GXYLT2: variants seen among roughly 807,000 people sequenced by gnomAD.
GXYLT2 encodes the protein glucoside xylosyltransferase 2.
A neutral mutation model predicts 45.8 loss-of-function variants in GXYLT2; 53 were observed. That is an observed-to-expected ratio of 1.16 (90% CI 0.93 to 1.46). The LOEUF is 1.46. Among genes scored for constraint, GXYLT2 ranks in the 40% most tolerant of loss-of-function variants. The probability of loss-of-function intolerance (pLI) is 0.00; values close to 1 mark genes in which losing one functional copy is unlikely to be tolerated. For synonymous variants in GXYLT2, 219 were observed against 214.2 expected, an observed-to-expected ratio of 1.02 and a Z score of -0.19; for missense variants, 551 against 544.4, an observed-to-expected ratio of 1.01 and a Z score of -0.12.
chr3:72,952,490 G>A (rs1048752876), intron 3 of GXYLT2, among the ~76,000 whole-genome samples: 1 of 152,090 alleles, frequency 6.6e-6, no homozygotes, highest in Non-Finnish European at 1.5e-5. Context: ...TAGCACCCAT[G>A]TTCATCAGTT....
In GXYLT2 at chr3:72,888,143, C is replaced by A; in HGVS notation, c.-91C>A. The A allele has an allele frequency of 1.1e-6, 1 of 910,512 alleles. No homozygotes were observed. The highest frequency in any genetic ancestry group is 1.3e-6 in the Non-Finnish European group (1 of 763,252). 56.4% of individuals were successfully genotyped at this position (910,512 alleles called of 1,614,324 possible). A position where few individuals can be genotyped will look rare whatever the true frequency, so the allele number is the denominator to read the frequency against. ...CCCGGCGGGCGGGCGGAGGAGGCGACCGCCGCGCGCTGCTGCACTCATCCT... is the reference window on the plus strand; with the variant it reads ...CCCGGCGGGCGGGCGGAGGAGGCGAACGCCGCGCGCTGCTGCACTCATCCT... On this transcript the variant is annotated 5_prime_UTR_variant, in exon 1 of 7. Coordinates refer to ENST00000389617, the MANE Select transcript of GXYLT2 (RefSeq NM_001080393.2).
intron 6 of GXYLT2, among the ~76,000 whole-genome samples, chr3:72,969,064 C>G (rs1477767896): frequency 6.6e-6 from 1 of 151,302 alleles, no homozygotes; most frequent in East Asian, 1.9e-4. Flanking sequence ...GAGCAAGACT[C>G]CATCTCAAAA....
At position 72,914,546 on chromosome 3, in the gene GXYLT2, T is replaced by TGCGC. The variant is rs1553706008; in HGVS notation, c.468+5996_468+5999dup. Among the ~76,000 whole-genome samples the TGCGC allele has an allele frequency of 7.3e-3, 1,050 of 143,770 alleles. 18 individuals carry two copies. The highest frequency in any genetic ancestry group is 0.026 in the African/African-American group (954 of 36,906). The allele number at this position is 143,770 out of a possible 152,430, so 94.3% of individuals were successfully genotyped here. On this transcript the variant is annotated intron_variant, in intron 2 of 6. Transcript: ENST00000389617. ...ATATATATGTGTGTGTGTGTGTGTG[T>TGCGC]GCGCGCGCGCGCTTGCGTGCGCATG...
At chr3:72,962,206 G>T (rs921742086) in intron 5 of GXYLT2, among the ~76,000 whole-genome samples, 1 of 152,184 alleles carries the variant, frequency 6.6e-6, no homozygotes, top group East Asian at 1.9e-4. Flanking sequence ...GACAAGCCCA[G>T]TTATTTCATA....
At position 72,967,571 on chromosome 3, in the gene GXYLT2, A is replaced by G; in HGVS notation, c.1001A>G (p.Gln334Arg). The change falls in exon 6 of 7, where the codon CAG becomes CGG. Residue 334 changes from glutamine (Q) to arginine (R), a missense_variant. Gln to Arg is a conservative substitution (Grantham distance 43, BLOSUM62 1). Transcript: ENST00000389617. ...GAGTGTCTCTATGTATTCCCCTGCC[A>G]GTGGAACTACCGTCCCGATCACTGC... The part of the protein sequence containing the change: ...NPECLYVFPC[Q>R]WNYRPDHCMY... The G allele has an allele frequency of 6.2e-7, 1 of 1,613,870 alleles. No individual in the cohort carries two copies. Among genetic ancestry groups the G allele is most frequent in the South Asian group, 1.1e-5 (1 of 91,054 alleles).
At chr3:72,943,737 A>G (rs1000003926) in intron 3 of GXYLT2, among the ~76,000 whole-genome samples, 66 of 152,034 alleles carry the variant, frequency 4.3e-4, no homozygotes, top group Admixed American at 1.2e-3. Context: ...TTTTAACCAT[A>G]TCTAAGTGTC....
At chr3:72,912,680 C>T (rs1251005034) in intron 2 of GXYLT2, among the ~76,000 whole-genome samples, 1 of 152,164 alleles carries the variant, frequency 6.6e-6, no homozygotes, top group Admixed American at 6.5e-5. Context: ...GGCCTCCAGC[C>T]AACAGCCAGC....
chr3:72,902,033 C>T (rs1709419091), intron 1 of GXYLT2, among the ~76,000 whole-genome samples: 1 of 152,052 alleles, frequency 6.6e-6, no homozygotes, highest in African/African-American at 2.4e-5. Flanking sequence ...TTTTTATTGC[C>T]AAATACTATT....
rs1463759550 is a variant in GXYLT2 at position 72,974,341 on chromosome 3, T to C, written c.1150-636T>C. On this transcript the variant is annotated intron_variant, in intron 6 of 6. Coordinates refer to ENST00000389617, the MANE Select transcript of GXYLT2 (RefSeq NM_001080393.2). Reference sequence around the variant, plus strand: ...CCACTAATATTTGGTACCTGAATTATTAAAATCTGGTTTATTGCCAATAAA... The same window carrying C: ...CCACTAATATTTGGTACCTGAATTACTAAAATCTGGTTTATTGCCAATAAA... Among the ~76,000 whole-genome samples the C allele has an allele frequency of 3.3e-5, 5 of 152,232 alleles. No individual in the cohort carries two copies. In the East Asian group the frequency reaches 7.7e-4, roughly 23 times the overall value.
chr3:72,890,826 T>A (rs1709168831), intron 1 of GXYLT2, among the ~76,000 whole-genome samples: 1 of 152,160 alleles, frequency 6.6e-6, no homozygotes, highest in African/African-American at 2.4e-5. Flanking sequence ...TGAACATATC[T>A]CTTAGATTAT....
At chr3:72,956,268 A>C (rs1439005586) in intron 4 of GXYLT2, among the ~76,000 whole-genome samples, 1 of 152,096 alleles carries the variant, frequency 6.6e-6, no homozygotes, top group Non-Finnish European at 1.5e-5. Flanking sequence ...AAAGAAAAAG[A>C]CATGTCCAGA....
chr3:72,907,113 A>C (rs547446919), intron 1 of GXYLT2, among the ~76,000 whole-genome samples: 1 of 152,250 alleles, frequency 6.6e-6, no homozygotes, highest in Admixed American at 6.5e-5. Flanking sequence ...GGGAGAATGG[A>C]GAGAAGTGGA....
intron 2 of GXYLT2, among the ~76,000 whole-genome samples, chr3:72,913,832 C>G (rs1330619930): frequency 2.0e-5 from 3 of 152,194 alleles, no homozygotes. Context: ...ATAGAATTTC[C>G]TCAGCCTCAG....
chr3:72,976,764 A>T lies in GXYLT2; in HGVS notation c.*1605A>T, dbSNP rs1424697910. 3 of 152,354 alleles carry T rather than the reference A, an allele frequency of 2.0e-5. No homozygotes were observed. Among genetic ancestry groups the T allele is most frequent in the South Asian group, 2.1e-4 (1 of 4,834 alleles). The allele number at this position is 152,354 out of a possible 1,614,324, so 9.4% of individuals were successfully genotyped here. A position where few individuals can be genotyped will look rare whatever the true frequency, so the allele number is the denominator to read the frequency against. On this transcript the variant is annotated 3_prime_UTR_variant, in exon 7 of 7. Coordinates refer to ENST00000389617, the MANE Select transcript of GXYLT2 (RefSeq NM_001080393.2). ...GCCTAGTGGATTTGGTAGGGTCCTGAATCATCTCTATAAGGCAAACAAGGA... is the reference window on the plus strand; with the variant it reads ...GCCTAGTGGATTTGGTAGGGTCCTGTATCATCTCTATAAGGCAAACAAGGA...
intron 2 of GXYLT2, among the ~76,000 whole-genome samples, chr3:72,912,534 G>T (rs1191781347): frequency 6.6e-6 from 1 of 152,114 alleles, no homozygotes; most frequent in East Asian, 1.9e-4. Context: ...ACATACACAT[G>T]TACATACACA....
chr3:72,935,953 T>C (rs776191609), intron 3 of GXYLT2, among the ~76,000 whole-genome samples: 13 of 152,002 alleles, frequency 8.6e-5, no homozygotes, highest in Non-Finnish European at 1.6e-4. Context: ...GAAAGGAGTA[T>C]CAGGGGAAAG....
chr3:72,943,207 T>A (rs1420448857), intron 3 of GXYLT2, among the ~76,000 whole-genome samples: 1 of 152,226 alleles, frequency 6.6e-6, no homozygotes, highest in African/African-American at 2.4e-5. Flanking sequence ...GGACCTCATA[T>A]AATTACAGAA....
intron 1 of GXYLT2, among the ~76,000 whole-genome samples, chr3:72,896,186 A>G (rs1393572060): frequency 6.6e-6 from 1 of 152,240 alleles, no homozygotes. Flanking sequence ...CTTTCTCAGA[A>G]ATAAGCTCAG....
chr3:72,935,196 G>T (rs1415135602), intron 3 of GXYLT2, among the ~76,000 whole-genome samples: 4 of 152,046 alleles, frequency 2.6e-5, no homozygotes, highest in Admixed American at 2.6e-4. Flanking sequence ...AAAGAAGCAT[G>T]GGATTCTATG....
Sources: allele counts gnomAD v4.1 joint callset (sites outside exome capture counted in the v4.1 genomes callset), GRCh38; gene constraint gnomAD v4.1.1; transcripts MANE v1.5; gene names NCBI Gene and HGNC (gene_info 2026-07-23, HGNC 2026-07-21).